The following SPATA21 variants were observed in gnomAD, a reference collection of about 807,000 sequenced individuals.
SPATA21 encodes the protein spermatogenesis-associated protein 21.
In SPATA21, 47 loss-of-function variants were observed where a neutral mutation model predicts 54.8. The ratio of observed to expected loss-of-function variants is 0.86; its 90% CI spans 0.68 to 1.09. The LOEUF (loss-of-function observed/expected upper bound fraction) is 1.09, where lower values mean the gene tolerates loss of function less well. Among genes scored for constraint, SPATA21 ranks in the 50% least tolerant of loss-of-function variants. The pLI is 0.00. For missense variants in SPATA21, 599 were observed against 596.4 expected, an observed-to-expected ratio of 1.00 and a Z score of -0.05; for synonymous variants, 245 against 235.3, an observed-to-expected ratio of 1.04 and a Z score of -0.38.
At chr1:16,395,989 AAAGTGAACCG>A, downstream of SPATA21, 1 of 152,652 alleles carries the variant, frequency 6.6e-6, no homozygotes, top group Admixed American at 6.5e-5. Context: ...GGAGATAGGG[AAAGTGAACCG>A]ACTTCCCCTT....
At chr1:16,403,062 C>T (rs1254996296) in intron 10 of SPATA21, among the ~76,000 whole-genome samples, 2 of 152,224 alleles carry the variant, frequency 1.3e-5, no homozygotes, top group Non-Finnish European at 2.9e-5. Context: ...ACTGTTCTGC[C>T]TTCGCCTTTG....
In SPATA21 at chr1:16,403,800, G is replaced by A. The variant is rs749489063; in HGVS notation, c.928C>T (p.Leu310=). The stretch of plus-strand genomic sequence containing the variant: ...AGCAGGGACAGGATCTCAAAGAGTA[G>A]AGTGTGGGGGTTGTGGGGAGCCATG... ...SDMAPHNPHT[L]LFEILSLLVE... The change falls in exon 10 of 13, where the codon CTA becomes TTA. Residue 310 remains leucine (L), a synonymous_variant. Coordinates refer to ENST00000335496, the MANE Select transcript of SPATA21 (RefSeq NM_198546.1). 1.2e-6 allele frequency: 2 copies of A among 1,612,756 alleles called. No homozygotes were observed. The highest frequency in any genetic ancestry group is 3.3e-5 in the Admixed American group (2 of 59,816).
chr1:16,412,545 C>T (rs761726094), intron 5 of SPATA21, among the ~76,000 whole-genome samples: 6 of 152,118 alleles, frequency 3.9e-5, no homozygotes, highest in Non-Finnish European at 7.3e-5. Context: ...TCACTGCAAC[C>T]GCTGCCTCCC....
At chr1:16,408,882 A>G (rs2085733756) in intron 7 of SPATA21, among the ~76,000 whole-genome samples, 1 of 142,302 alleles carries the variant, frequency 7.0e-6, no homozygotes, top group East Asian at 2.0e-4. Context: ...AAAAAAAAAA[A>G]AAAAAAAGAC....
intron 7 of SPATA21, chr1:16,408,446 GA>G: frequency 3.0e-6 from 3 of 985,454 alleles, no homozygotes; most frequent in Non-Finnish European, 3.6e-6. Context: ...GTGCTCTGAA[GA>G]GGACCAATAG....
chr1:16,405,199 C>A lies in SPATA21; in HGVS notation c.674-95G>T, dbSNP rs114149646. On this transcript the variant is annotated intron_variant, in intron 7 of 12. Coordinates refer to ENST00000335496, the MANE Select transcript of SPATA21 (RefSeq NM_198546.1). Reference sequence around the variant, plus strand: ...CCACCCTCCTGCCAGCCTCCTCCACCATCAAAAGTGAAAATAAAATTGCTG... The same window carrying A: ...CCACCCTCCTGCCAGCCTCCTCCACAATCAAAAGTGAAAATAAAATTGCTG... 2.8e-4 allele frequency: 424 copies of A among 1,502,514 alleles called. 2 individuals are homozygous for A. In the African/African-American group the frequency reaches 5.6e-3, roughly 20 times the overall value. The allele number at this position is 1,502,514 out of a possible 1,614,324, so 93.1% of individuals were successfully genotyped here.
At chr1:16,425,422 C>G in intron 3 of SPATA21, 1 of 1,304,364 alleles carries the variant, frequency 7.7e-7, no homozygotes, top group Non-Finnish European at 1.1e-6. Flanking sequence ...GCTGGGACTA[C>G]AGATACATGC....
Position 16,409,637 on chromosome 1 carries a change from T to G in SPATA21, c.551A>C (p.Gln184Pro). Reference sequence around the variant, plus strand: ...GTAGCTCAGGGTTCTCTCGCTGCTCTGGTGCAAGAGTTCCATCCTTCTCCA... The same window carrying G: ...GTAGCTCAGGGTTCTCTCGCTGCTCGGGTGCAAGAGTTCCATCCTTCTCCA... ...LGWRRMELLH[Q>P]SSERTLSYAK... Residue 184 changes from glutamine to proline, a missense_variant, in exon 6 of 13, where the codon CAG (glutamine) becomes CCG (proline). Coordinates refer to ENST00000335496, the MANE Select transcript of SPATA21 (RefSeq NM_198546.1). This position sits in a 1 kb window ranked among gnomAD's most constrained non-coding sequence, Gnocchi z 4.1. The G allele has an allele frequency of 6.2e-7, 1 of 1,612,532 alleles. No individual in the cohort carries two copies. The highest frequency in any genetic ancestry group is 8.5e-7 in the Non-Finnish European group (1 of 1,179,780).
In SPATA21 at chr1:16,405,011, G is replaced by A. The variant is rs141118848; in HGVS notation, c.767C>T (p.Thr256Met). ...CAGGGCGTCCTCCACCTGGGCCAGCGTCACAGAGAAGCCCATTAGGAGCAG... is the reference window on the plus strand; with the variant it reads ...CAGGGCGTCCTCCACCTGGGCCAGCATCACAGAGAAGCCCATTAGGAGCAG... ...NILLLMGFSV[T>M]LAQVEDALMS... is the part of the protein sequence containing the mutation. The change falls in exon 8 of 13, where the codon ACG becomes ATG. Residue 256 changes from threonine to methionine, a missense_variant. By Grantham distance (81) the Thr-to-Met change is moderately conservative. Transcript: ENST00000335496. 76 of 1,608,350 alleles carry A rather than the reference G, an allele frequency of 4.7e-5. No homozygotes were observed. The highest frequency in any genetic ancestry group is 3.0e-4 in the African/African-American group (22 of 74,540).
In SPATA21 at chr1:16,421,727, C is replaced by T. The variant is rs910792813; in HGVS notation, c.96-170G>A. Among the ~76,000 whole-genome samples, 6 of 152,214 alleles carry T rather than the reference C, an allele frequency of 3.9e-5. No homozygotes were observed. The highest frequency in any genetic ancestry group is 1.9e-4 in the East Asian group (1 of 5,172). ...CCACATCCTCATATATACAGGCTCA[C>T]GGAACCAAGAATTCTGGTATTCCAG... On this transcript the variant is annotated intron_variant, in intron 4 of 12. Transcript: ENST00000335496. This position sits in a 1 kb window ranked among gnomAD's most constrained non-coding sequence, Gnocchi z 5.2.
intron 2 of SPATA21, among the ~76,000 whole-genome samples, chr1:16,432,115 T>TTC (rs1491189169): frequency 1.4e-4 from 7 of 48,598 alleles, no homozygotes; most frequent in Non-Finnish European, 1.8e-4. Flanking sequence ...CTTCTTCTTC[T>TTC]TTTTTTTTTT....
intron 7 of SPATA21, among the ~76,000 whole-genome samples, chr1:16,407,941 G>GT (rs1570119161): frequency 6.6e-6 from 1 of 151,880 alleles, no homozygotes; most frequent in Admixed American, 6.6e-5. Flanking sequence ...AATTTTTAAA[G>GT]TTTTTGTAGA....
chr1:16,414,317 C>T (rs1202554599), intron 5 of SPATA21, among the ~76,000 whole-genome samples: 1 of 152,098 alleles, frequency 6.6e-6, no homozygotes, highest in East Asian at 1.9e-4. Flanking sequence ...GATCTGCCCA[C>T]CTCAGCCACT....
chr1:16,429,725 C>T (rs904671755), intron 3 of SPATA21, among the ~76,000 whole-genome samples: 5 of 151,516 alleles, frequency 3.3e-5, no homozygotes, highest in South Asian at 4.2e-4. Context: ...CCACCCGCCT[C>T]GGCCTCCCAA....
In SPATA21 at chr1:16,398,758, C is replaced by T. The variant is rs777987409; in HGVS notation, c.*7G>A. The T allele has an allele frequency of 3.1e-6, 5 of 1,613,862 alleles. No individual in the cohort carries two copies. In the South Asian group the frequency reaches 5.5e-5, roughly 18 times the overall value. ...GAGCAGCTGCCTAGAGTCAGGCCTC[C>T]AGAGGGTCAGTGGGTTCGAGCTGGC... On this transcript the variant is annotated 3_prime_UTR_variant, in exon 13 of 13. Transcript: ENST00000335496.
chr1:16,435,511 T>G (rs1344251498), intron 1 of SPATA21, among the ~76,000 whole-genome samples: 1 of 151,870 alleles, frequency 6.6e-6, no homozygotes, highest in Non-Finnish European at 1.5e-5. Flanking sequence ...GAGACGCGGT[T>G]TTGCCATCTT....
chr1:16,412,541 C>T (rs903223791), intron 5 of SPATA21, among the ~76,000 whole-genome samples: 2 of 152,154 alleles, frequency 1.3e-5, no homozygotes, highest in African/African-American at 4.8e-5. Flanking sequence ...TGGCTCACTG[C>T]AACCGCTGCC....
At position 16,404,954 on chromosome 1, in the gene SPATA21, C is replaced by G. The variant is rs75294913; in HGVS notation, c.811+13G>C. The G allele has an allele frequency of 6.4e-7, 1 of 1,558,752 alleles. No individual in the cohort carries two copies. The highest frequency in any genetic ancestry group is 8.6e-7 in the Non-Finnish European group (1 of 1,158,302). On this transcript the variant is annotated intron_variant, in intron 8 of 12. Coordinates refer to ENST00000335496, the MANE Select transcript of SPATA21 (RefSeq NM_198546.1). Reference sequence around the variant, plus strand: ...CCTGCCTGGGATGCAGAGTGGAGCCCTCTGCCACTCACCATTGACATCAGC... The same window carrying G: ...CCTGCCTGGGATGCAGAGTGGAGCCGTCTGCCACTCACCATTGACATCAGC...
At position 16,398,755 on chromosome 1, in the gene SPATA21, C is replaced by T. The variant is rs575474729; in HGVS notation, c.*10G>A. 1.2e-5 allele frequency: 20 copies of T among 1,613,866 alleles called. No homozygotes were observed. Among genetic ancestry groups the T allele is most frequent in the Middle Eastern group, 3.3e-4 (2 of 6,052 alleles). On this transcript the variant is annotated 3_prime_UTR_variant, in exon 13 of 13. Coordinates refer to ENST00000335496, the MANE Select transcript of SPATA21 (RefSeq NM_198546.1). ...CTTGAGCAGCTGCCTAGAGTCAGGC[C>T]TCCAGAGGGTCAGTGGGTTCGAGCT...
Sources: allele counts gnomAD v4.1 joint callset (sites outside exome capture counted in the v4.1 genomes callset), GRCh38; gene constraint gnomAD v4.1.1; non-coding constraint Gnocchi (gnomAD v3.1); transcripts MANE v1.5; gene names NCBI Gene and HGNC (gene_info 2026-07-23, HGNC 2026-07-21).